The following SLC30A8 variants were observed in gnomAD, a reference collection of about 807,000 sequenced individuals.
SLC30A8 encodes the protein solute carrier family 30 member 8.
Under a neutral mutation model 36.9 loss-of-function variants are expected in SLC30A8, and 27 were observed. The ratio of observed to expected loss-of-function variants is 0.73; its 90% CI spans 0.54 to 1.01. The LOEUF (loss-of-function observed/expected upper bound fraction) is 1.01, where lower values mean the gene tolerates loss of function less well. SLC30A8 is among the 50% of genes least tolerant of loss of function. The probability of loss-of-function intolerance (pLI) is 0.00; values close to 1 mark genes in which losing one functional copy is unlikely to be tolerated. For synonymous variants in SLC30A8, 164 were observed against 172.4 expected, an observed-to-expected ratio of 0.95 and a Z score of 0.38; for missense variants, 439 against 452.0, an observed-to-expected ratio of 0.97 and a Z score of 0.26.
chr8:117,034,275 C>A (rs1317979908), intron 1 of SLC30A8, among the ~76,000 whole-genome samples: 1 of 152,082 alleles, frequency 6.6e-6, no homozygotes, highest in Non-Finnish European at 1.5e-5. Flanking sequence ...ACAATCACAT[C>A]ATAAGCATTA....
chr8:117,035,142 G>A (rs1240330247), intron 1 of SLC30A8, among the ~76,000 whole-genome samples: 1 of 152,092 alleles, frequency 6.6e-6, no homozygotes, highest in Non-Finnish European at 1.5e-5. Context: ...ACACAATCAT[G>A]CCTTCCCAAT....
At chr8:117,121,046 A>G (rs1820674980) in intron 2 of SLC30A8, among the ~76,000 whole-genome samples, 1 of 151,990 alleles carries the variant, frequency 6.6e-6, no homozygotes, top group East Asian at 1.9e-4. Flanking sequence ...GTCACTGGGA[A>G]TGTATAATGT....
At chr8:117,052,333 A>G (rs1173258301) in intron 2 of SLC30A8, among the ~76,000 whole-genome samples, 2 of 152,182 alleles carry the variant, frequency 1.3e-5, no homozygotes, top group Non-Finnish European at 2.9e-5. Flanking sequence ...TTTATAAATT[A>G]CCCAGCCTCA....
intron 2 of SLC30A8, among the ~76,000 whole-genome samples, chr8:117,064,662 A>C (rs1421923237): frequency 6.6e-6 from 1 of 152,194 alleles, no homozygotes; most frequent in African/African-American, 2.4e-5. Flanking sequence ...CGGACAGCCG[A>C]AGAGCATTAT....
intron 2 of SLC30A8, among the ~76,000 whole-genome samples, chr8:117,084,528 C>T (rs527862869): frequency 6.6e-6 from 1 of 152,292 alleles, no homozygotes; most frequent in South Asian, 2.1e-4. Context: ...CTTCCTTGTA[C>T]AGTCCATTGG....
intron 2 of SLC30A8, among the ~76,000 whole-genome samples, chr8:117,066,938 A>G (rs934665206): frequency 4.6e-5 from 7 of 152,164 alleles, no homozygotes; most frequent in African/African-American, 1.7e-4. Context: ...GCTATTAAAG[A>G]CATGCCTGAG....
chr8:117,093,443 C>T (rs1415918597), intron 2 of SLC30A8, among the ~76,000 whole-genome samples: 3 of 151,824 alleles, frequency 2.0e-5, no homozygotes, highest in Non-Finnish European at 4.4e-5. Context: ...CTAAGTATTT[C>T]TCTCCCATTG....
At chr8:117,096,360 G>T (rs1335191968) in intron 2 of SLC30A8, among the ~76,000 whole-genome samples, 1 of 152,138 alleles carries the variant, frequency 6.6e-6, no homozygotes, top group Non-Finnish European at 1.5e-5. Context: ...GCTTCCAAAT[G>T]ATTGGAGTTG....
chr8:117,152,907 G>A (rs750039841), intron 2 of SLC30A8, 37 bp from the exon 3 acceptor site: 54 of 1,441,190 alleles, frequency 3.7e-5, no homozygotes, highest in Non-Finnish European at 4.7e-5. Context: ...GCTGCATTCT[G>A]GGACCTTAAC....
rs535924180 is a variant in SLC30A8, at chr8:116,991,793, T to G, written c.-266+40674T>G. 4.6e-5 allele frequency among the ~76,000 whole-genome samples: 7 copies of G among 152,318 alleles called. No individual in the cohort carries two copies. The South Asian group carries it at 1.2e-3, about 27-fold the overall frequency. On this transcript the variant is annotated intron_variant, in intron 1 of 10. Transcript: ENST00000427715. ...TTCATAATATTGGAATTTAAATTAC[T>G]TTTTTTGACTAAAAAAATACTTTCC... is the stretch of plus-strand genomic sequence containing the variant.
intron 1 of SLC30A8, among the ~76,000 whole-genome samples, chr8:116,995,741 AAGG>A (rs1806715690): frequency 1.3e-5 from 2 of 152,066 alleles, no homozygotes; most frequent in East Asian, 1.9e-4. Flanking sequence ...AATAAGGAAA[AAGG>A]AGCCAGGCTG....
At chr8:116,980,634 A>G (rs1276599645) in intron 1 of SLC30A8, among the ~76,000 whole-genome samples, 2 of 152,184 alleles carry the variant, frequency 1.3e-5, no homozygotes, top group Non-Finnish European at 2.9e-5. Context: ...ATCAGCCAAC[A>G]CACACAGCAA....
At chr8:117,049,565 A>G (rs1817647379) in intron 2 of SLC30A8, among the ~76,000 whole-genome samples, 1 of 152,248 alleles carries the variant, frequency 6.6e-6, no homozygotes, top group South Asian at 2.1e-4. Context: ...CCTCAGGAAT[A>G]CATCAGTCAT....
chr8:116,987,667 G>A (rs73312250), intron 1 of SLC30A8, among the ~76,000 whole-genome samples: 4,873 of 151,698 alleles, frequency 0.032, 246 homozygotes, highest in African/African-American at 0.11. Context: ...GGTGAAGTGT[G>A]TCCTTAATAC....
At chr8:117,165,339 A>G (rs1287063393) in intron 6 of SLC30A8, among the ~76,000 whole-genome samples, 2 of 152,222 alleles carry the variant, frequency 1.3e-5, no homozygotes, top group Admixed American at 6.5e-5. Flanking sequence ...ACTGGAATAT[A>G]GGAAATATGA....
intron 1 of SLC30A8, among the ~76,000 whole-genome samples, chr8:116,993,686 C>T (rs1193617130): frequency 6.6e-6 from 1 of 151,926 alleles, no homozygotes; most frequent in African/African-American, 2.4e-5. Context: ...CATGCTAGAA[C>T]TGTAAAACAC....
At chr8:116,981,268 AC>A (rs1815249924) in intron 1 of SLC30A8, among the ~76,000 whole-genome samples, 3 of 152,182 alleles carry the variant, frequency 2.0e-5, no homozygotes, top group African/African-American at 7.2e-5. Flanking sequence ...GCTCTAGAGA[AC>A]CAGGTGGAAG....
chr8:117,055,289 T>C (rs1421205873), intron 2 of SLC30A8, among the ~76,000 whole-genome samples: 1 of 152,248 alleles, frequency 6.6e-6, no homozygotes, highest in Non-Finnish European at 1.5e-5. Context: ...AGCTGTGGCA[T>C]GAGCCCAAAG....
At chr8:117,022,522 A>C (rs113197147) in intron 1 of SLC30A8, among the ~76,000 whole-genome samples, 6 of 152,328 alleles carry the variant, frequency 3.9e-5, no homozygotes, top group African/African-American at 1.4e-4. Context: ...CTGGTACCAA[A>C]ACAGAGATAT....
Sources: allele counts gnomAD v4.1 joint callset (sites outside exome capture counted in the v4.1 genomes callset), GRCh38; gene constraint gnomAD v4.1.1; transcripts MANE v1.5; gene names NCBI Gene and HGNC (gene_info 2026-07-23, HGNC 2026-07-21).